Variants in TTC21B observed in about 807,000 individuals in gnomAD.
The protein encoded by TTC21B is tetratricopeptide repeat domain 21B.
In TTC21B, 127 loss-of-function variants were observed where a neutral mutation model predicts 175.1. That is an observed-to-expected ratio of 0.73 (90% CI 0.63 to 0.84). The LOEUF is 0.84. Among genes scored for constraint, TTC21B ranks in the 40% least tolerant of loss-of-function variants. The pLI, the probability that TTC21B is intolerant of heterozygous loss-of-function variation, is 0.00. For missense variants in TTC21B, 1,561 were observed against 1,558.3 expected (o/e 1.00, Z -0.03); for synonymous variants, 524 against 524.5 (o/e 1.00, Z 0.01).
chr2:165,879,264 T>C (rs1457496650), intron 27 of TTC21B, among the ~76,000 whole-genome samples: 2 of 152,252 alleles, frequency 1.3e-5, no homozygotes, highest in Non-Finnish European at 1.5e-5. Flanking sequence ...TTAACTTCTA[T>C]GTGCATTCCT....
At chr2:165,943,687 G>T (rs12329262) in intron 4 of TTC21B, among the ~76,000 whole-genome samples, 46,832 of 151,998 alleles carry the variant, frequency 0.31, 7,832 homozygotes, top group Non-Finnish European at 0.39. Flanking sequence ...ATATAGATGA[G>T]AATTTGTTGT....
chr2:165,925,740 A>C (rs750348849), intron 11 of TTC21B, among the ~76,000 whole-genome samples: 9 of 152,148 alleles, frequency 5.9e-5, no homozygotes, highest in Non-Finnish European at 1.0e-4. Flanking sequence ...TGGTAGTTTC[A>C]TATTTAGTTT....
At position 165,929,314 on chromosome 2, in the gene TTC21B, C is replaced by A; in HGVS notation, c.1207G>T (p.Val403Phe). The change falls in exon 11 of 29, where the codon GTT (valine) becomes TTT (phenylalanine). Residue 403 changes from valine to phenylalanine, a missense_variant. Val to Phe is a conservative substitution (Grantham distance 50, BLOSUM62 -1). Coordinates refer to ENST00000243344, the MANE Select transcript of TTC21B (RefSeq NM_024753.5). ...KSAELIYLHA[V>F]LAMKKNKRQE... ...CGTTTATTTTTCTTCATGGCAAGAACTGCATGTAAATAGATTAATTCCTAG... is the reference window on the plus strand; with the variant it reads ...CGTTTATTTTTCTTCATGGCAAGAAATGCATGTAAATAGATTAATTCCTAG... 1 of 1,609,134 alleles carries A rather than the reference C, an allele frequency of 6.2e-7. No homozygotes were observed. The highest frequency in any genetic ancestry group is 8.5e-7 in the Non-Finnish European group (1 of 1,176,396).
chr2:165,910,650 G>T (rs1334387270), intron 18 of TTC21B, among the ~76,000 whole-genome samples: 1 of 151,942 alleles, frequency 6.6e-6, no homozygotes, highest in Non-Finnish European at 1.5e-5. Flanking sequence ...TTGGTGTTAT[G>T]GAACATTATG....
At chr2:165,897,837 G>GGATCTC (rs1250874322) in intron 22 of TTC21B, among the ~76,000 whole-genome samples, 1 of 152,180 alleles carries the variant, frequency 6.6e-6, no homozygotes, top group Non-Finnish European at 1.5e-5. Flanking sequence ...AGTGAGTTTA[G>GGATCTC]GATCTCAGAG....
chr2:165,896,809 G>C (rs979614251), intron 22 of TTC21B, among the ~76,000 whole-genome samples: 2 of 152,142 alleles, frequency 1.3e-5, no homozygotes, highest in African/African-American at 4.8e-5. Flanking sequence ...TATTCTACAG[G>C]GTATTAGATT....
chr2:165,887,444 TGGA>T (rs1357109023), intron 25 of TTC21B, among the ~76,000 whole-genome samples: 1 of 151,874 alleles, frequency 6.6e-6, no homozygotes. Flanking sequence ...AGAAAAAAGG[TGGA>T]GGAGGCCGAG....
At chr2:165,940,648 T>C (rs1024982738) in intron 6 of TTC21B, among the ~76,000 whole-genome samples, 8 of 152,322 alleles carry the variant, frequency 5.3e-5, no homozygotes, top group East Asian at 1.9e-4. Context: ...TCCCATAAGA[T>C]TGAACCCCTC....
chr2:165,885,436 T>C (rs1684972140), intron 25 of TTC21B, among the ~76,000 whole-genome samples: 1 of 152,194 alleles, frequency 6.6e-6, no homozygotes, highest in Non-Finnish European at 1.5e-5. Flanking sequence ...ATATAATCTG[T>C]TCCTCTAGGT....
chr2:165,926,678 A>G (rs992661587), intron 11 of TTC21B, among the ~76,000 whole-genome samples: 3 of 152,066 alleles, frequency 2.0e-5, no homozygotes, highest in African/African-American at 7.2e-5. Flanking sequence ...TTGAGTCAAG[A>G]GGCTGAGAAA....
chr2:165,901,989 TAC>T, intron 19 of TTC21B, 79 bp from the exon 20 acceptor site: 3 of 1,227,802 alleles, frequency 2.4e-6, no homozygotes, highest in Non-Finnish European at 1.2e-6. Flanking sequence ...AGCATAATTT[TAC>T]AGATTTATTT....
intron 5 of TTC21B, among the ~76,000 whole-genome samples, chr2:165,941,970 CAT>C (rs1166752510): frequency 6.6e-6 from 1 of 151,994 alleles, no homozygotes; most frequent in East Asian, 1.9e-4. Flanking sequence ...TCATGTATCT[CAT>C]AGTCAGAAAA....
chr2:165,914,358 T>A (rs1165950026), intron 15 of TTC21B, among the ~76,000 whole-genome samples: 1 of 152,204 alleles, frequency 6.6e-6, no homozygotes, highest in Non-Finnish European at 1.5e-5. Context: ...CTATTTTGAA[T>A]TATTTTCATA....
chr2:165,931,161 A>G (rs1285653437), intron 8 of TTC21B, among the ~76,000 whole-genome samples: 2 of 152,068 alleles, frequency 1.3e-5, no homozygotes, highest in Non-Finnish European at 2.9e-5. Flanking sequence ...CAGTATATTC[A>G]TGTCATTTAA....
chr2:165,885,938 A>C (rs2105286763), intron 25 of TTC21B, among the ~76,000 whole-genome samples: 1 of 152,338 alleles, frequency 6.6e-6, no homozygotes, highest in Middle Eastern at 3.4e-3. Context: ...TGTTATTATA[A>C]ACATCTCATC....
chr2:165,930,330 T>C lies in TTC21B; in HGVS notation c.929A>G (p.Gln310Arg), dbSNP rs780763554. The change falls in exon 9 of 29, where the codon CAA (glutamine) becomes CGA (arginine). Residue 310 changes from glutamine (Q) to arginine (R), a missense_variant. Gln to Arg is a conservative substitution (Grantham distance 43). Coordinates refer to ENST00000243344, the MANE Select transcript of TTC21B (RefSeq NM_024753.5). ...ACTAAAAGCTCTCTCAAGTAACGTTTGAATTTTTTGAAGAATAAGTTGACT... is the reference window on the plus strand; with the variant it reads ...ACTAAAAGCTCTCTCAAGTAACGTTCGAATTTTTTGAAGAATAAGTTGACT... ...GRSQLILQKI[Q>R]TLLERAFSLN... 2 of 1,612,302 alleles carry C rather than the reference T, an allele frequency of 1.2e-6. No homozygotes were observed. The highest frequency in any genetic ancestry group is 1.1e-5 in the South Asian group (1 of 90,950).
At chr2:165,944,803 G>T (rs1687492627) in intron 4 of TTC21B, among the ~76,000 whole-genome samples, 1 of 152,076 alleles carries the variant, frequency 6.6e-6, no homozygotes, top group South Asian at 2.1e-4. Context: ...CAAGTAACAT[G>T]TCTCATTTCC....
intron 28 of TTC21B, among the ~76,000 whole-genome samples, chr2:165,875,949 C>T (rs1684651836): frequency 6.6e-6 from 1 of 151,780 alleles, no homozygotes; most frequent in Admixed American, 6.6e-5. Flanking sequence ...TTGACATAAA[C>T]ATTTTATTAT....
Position 165,953,676 on chromosome 2 carries a change from C to CCCGCTCACCCGCTCAT in TTC21B, c.21+8_21+9insATGAGCGGGTGAGCGG. ...GCCCGCTCACCCGCTCACCCGCTCA[C>CCCGCTCACCCGCTCAT]CCGCTCACCTTCAATTCCTGCGAGT... On this transcript the variant is annotated intron_variant, in intron 1 of 28. Coordinates refer to ENST00000243344, the MANE Select transcript of TTC21B (RefSeq NM_024753.5). 2.6e-6 allele frequency: 4 copies of CCCGCTCACCCGCTCAT among 1,548,126 alleles called. No homozygotes were observed. Among genetic ancestry groups the CCCGCTCACCCGCTCAT allele is most frequent in the Non-Finnish European group, 3.5e-6 (4 of 1,146,438 alleles).
Sources: gnomAD v4.1 joint callset for allele counts (sites outside exome capture counted in the v4.1 genomes callset) on GRCh38, gnomAD v4.1.1 for gene constraint, MANE v1.5 for transcripts, NCBI Gene and HGNC (gene_info 2026-07-23, HGNC 2026-07-21) for gene names.